The following NUBPL variants were observed in gnomAD, a reference collection of about 807,000 sequenced individuals.
NUBPL encodes the protein NUBP iron-sulfur cluster assembly factor, mitochondrial.
A neutral mutation model predicts 45.7 loss-of-function variants in NUBPL; 31 were observed. The observed-to-expected ratio is 0.68, with a 90% CI of 0.51 to 0.92. NUBPL has a LOEUF of 0.92. Ranked by LOEUF, NUBPL falls within the 40% of genes least tolerant of loss-of-function variation. NUBPL has a pLI of 0.00. For missense variants in NUBPL, 401 were observed against 398.7 expected (o/e 1.01, Z -0.05); for synonymous variants, 144 against 140.9 (o/e 1.02, Z -0.15).
intron 6 of NUBPL, among the ~76,000 whole-genome samples, chr14:31,709,068 G>A (rs1341087431): frequency 6.6e-6 from 1 of 152,132 alleles, no homozygotes; most frequent in East Asian, 1.9e-4. Context: ...TTTTGGGCCT[G>A]TTCCTCTTGG....
At chr14:31,729,286 C>A (rs865851709) in intron 6 of NUBPL, among the ~76,000 whole-genome samples, 1 of 146,376 alleles carries the variant, frequency 6.8e-6, no homozygotes, top group Admixed American at 6.8e-5. Flanking sequence ...CCCCCCCCCC[C>A]CCAAAAAAAA....
At chr14:31,706,013 T>C (rs1472001524) in intron 6 of NUBPL, among the ~76,000 whole-genome samples, 1 of 152,178 alleles carries the variant, frequency 6.6e-6, no homozygotes, top group East Asian at 1.9e-4. Flanking sequence ...GAGTCAGCTC[T>C]GGTCTTGGCC....
chr14:31,596,521 T>C (rs2034288657), intron 3 of NUBPL, among the ~76,000 whole-genome samples: 1 of 152,140 alleles, frequency 6.6e-6, no homozygotes, highest in African/African-American at 2.4e-5. Context: ...AACACAGCCA[T>C]GTTAATTTAT....
At chr14:31,694,954 A>G (rs1315796481) in intron 6 of NUBPL, among the ~76,000 whole-genome samples, 1 of 152,262 alleles carries the variant, frequency 6.6e-6, no homozygotes, top group East Asian at 1.9e-4. Flanking sequence ...GACTTGTAAT[A>G]ATAAGCAAGA....
intron 6 of NUBPL, among the ~76,000 whole-genome samples, chr14:31,699,831 A>G (rs4981881): frequency 0.37 from 55,790 of 152,074 alleles, 12,583 homozygotes; most frequent in East Asian, 0.59. Context: ...GTGTTTGGCA[A>G]TGAGAAGTTT....
intron 8 of NUBPL, among the ~76,000 whole-genome samples, chr14:31,837,866 C>T (rs983975546): frequency 1.3e-5 from 2 of 152,118 alleles, no homozygotes; most frequent in African/African-American, 4.8e-5. Context: ...GGCACAGACT[C>T]CAGAAAAATG....
intron 3 of NUBPL, among the ~76,000 whole-genome samples, chr14:31,587,438 C>A (rs768445960): frequency 6.6e-6 from 1 of 152,140 alleles, no homozygotes; most frequent in African/African-American, 2.4e-5. Flanking sequence ...ACTAGTATAA[C>A]GCCTGGCACG....
intron 8 of NUBPL, among the ~76,000 whole-genome samples, chr14:31,827,713 C>T (rs1281692437): frequency 6.6e-6 from 1 of 152,120 alleles, no homozygotes; most frequent in East Asian, 1.9e-4. Flanking sequence ...CCTCACCTCC[C>T]CCAGCCCTAA....
chr14:31,616,809 GAA>G (rs1442385176), intron 4 of NUBPL, among the ~76,000 whole-genome samples: 1 of 152,110 alleles, frequency 6.6e-6, no homozygotes, highest in African/African-American at 2.4e-5. Flanking sequence ...ATTCTTTGAA[GAA>G]AGTCAATGGT....
intron 6 of NUBPL, among the ~76,000 whole-genome samples, chr14:31,740,503 G>T (rs2038260492): frequency 6.6e-6 from 1 of 152,086 alleles, no homozygotes; most frequent in African/African-American, 2.4e-5. Flanking sequence ...TGGGTTGTTT[G>T]TTTTCTTGTT....
intron 4 of NUBPL, among the ~76,000 whole-genome samples, chr14:31,640,290 C>G (rs960239760): frequency 6.6e-6 from 1 of 152,116 alleles, no homozygotes; most frequent in African/African-American, 2.4e-5. Flanking sequence ...GCTTACCTAA[C>G]CACCATACTT....
At chr14:31,648,853 G>C (rs8006304) in intron 4 of NUBPL, among the ~76,000 whole-genome samples, 6,615 of 152,290 alleles carry the variant, frequency 0.043, 465 homozygotes, top group African/African-American at 0.15. Flanking sequence ...GTTTTCGCCA[G>C]GCTGGAGCGC....
intron 8 of NUBPL, among the ~76,000 whole-genome samples, chr14:31,832,285 C>T (rs2040204951): frequency 6.6e-6 from 1 of 151,970 alleles, no homozygotes; most frequent in Non-Finnish European, 1.5e-5. Context: ...AGAATAATGC[C>T]AGTGAAAGTG....
chr14:31,743,907 C>A (rs759227718), intron 6 of NUBPL, among the ~76,000 whole-genome samples: 1 of 152,098 alleles, frequency 6.6e-6, no homozygotes, highest in African/African-American at 2.4e-5. Flanking sequence ...AATGAAAGAG[C>A]CCCGCTCTTC....
chr14:31,619,165 A>G (rs2034992174), intron 4 of NUBPL, among the ~76,000 whole-genome samples: 1 of 152,008 alleles, frequency 6.6e-6, no homozygotes, highest in Non-Finnish European at 1.5e-5. Flanking sequence ...CTTTATTTTG[A>G]GCCTATGTGT....
intron 6 of NUBPL, among the ~76,000 whole-genome samples, chr14:31,764,701 T>G (rs2038879138): frequency 6.6e-6 from 1 of 152,306 alleles, no homozygotes; most frequent in Non-Finnish European, 1.5e-5. Flanking sequence ...AAGAAACAGC[T>G]GCTCACTTAA....
At chr14:31,639,616 A>T (rs910260912) in intron 4 of NUBPL, among the ~76,000 whole-genome samples, 8 of 152,202 alleles carry the variant, frequency 5.3e-5, no homozygotes, top group African/African-American at 1.7e-4. Context: ...CTTCAAAGAT[A>T]TCAGACAGGG....
intron 6 of NUBPL, among the ~76,000 whole-genome samples, chr14:31,705,965 C>T (rs2037441403): frequency 6.6e-6 from 1 of 152,192 alleles, no homozygotes. Context: ...CCAGCTCCCA[C>T]CCGTGCCTCT....
At chr14:31,645,805 G>C (rs1308803880) in intron 4 of NUBPL, among the ~76,000 whole-genome samples, 1 of 123,710 alleles carries the variant, frequency 8.1e-6, no homozygotes, top group Non-Finnish European at 1.6e-5. Context: ...CTTTTGTTGT[G>C]TCATTTTACG....
Sources: allele counts gnomAD v4.1 joint callset (sites outside exome capture counted in the v4.1 genomes callset), GRCh38; gene constraint gnomAD v4.1.1; transcripts MANE v1.5; gene names NCBI Gene and HGNC (gene_info 2026-07-23, HGNC 2026-07-21).